Variants in AGBL1 observed in about 807,000 individuals in gnomAD.
The protein encoded by AGBL1 is cytosolic carboxypeptidase 4.
Under a neutral mutation model 118.9 loss-of-function variants are expected in AGBL1, and 130 were observed. The ratio of observed to expected loss-of-function variants is 1.09; its 90% CI spans 0.95 to 1.26. The LOEUF (loss-of-function observed/expected upper bound fraction) is 1.26, where lower values mean the gene tolerates loss of function less well. Among genes scored for constraint, AGBL1 ranks in the 50% most tolerant of loss-of-function variants. AGBL1 has a pLI of 0.00. For missense variants in AGBL1, 1,584 were observed against 1,298.1 expected (o/e 1.22, Z -3.38); for synonymous variants, 555 against 478.9 (o/e 1.16, Z -2.08).
intron 23 of AGBL1, among the ~76,000 whole-genome samples, chr15:86,966,311 C>A (rs2081052330): frequency 6.9e-6 from 1 of 144,282 alleles, no homozygotes; most frequent in Non-Finnish European, 1.5e-5. Flanking sequence ...AATCCTCATT[C>A]TTTGGCCCAT....
At chr15:86,449,936 G>A (rs1234832531) in intron 18 of AGBL1, among the ~76,000 whole-genome samples, 1 of 123,062 alleles carries the variant, frequency 8.1e-6, no homozygotes, top group East Asian at 3.2e-4. Context: ...TTTCTCTTTT[G>A]CTGGCGTATT....
At chr15:86,730,141 G>T (rs1300932826) in intron 22 of AGBL1, among the ~76,000 whole-genome samples, 2 of 152,144 alleles carry the variant, frequency 1.3e-5, no homozygotes, top group South Asian at 2.1e-4. Context: ...ATGAATTAAA[G>T]ATTTAAATGT....
intron 22 of AGBL1, among the ~76,000 whole-genome samples, chr15:86,704,204 A>C (rs1001820495): frequency 6.6e-6 from 1 of 152,230 alleles, no homozygotes; most frequent in Non-Finnish European, 1.5e-5. Flanking sequence ...AAACCTAGGC[A>C]ATACCATTCA....
At chr15:86,117,936 A>G (rs1374648095) in intron 1 of AGBL1, among the ~76,000 whole-genome samples, 2 of 152,224 alleles carry the variant, frequency 1.3e-5, no homozygotes, top group Admixed American at 6.5e-5. Flanking sequence ...TTCTGGCACA[A>G]GAAGAATAAC....
intron 18 of AGBL1, among the ~76,000 whole-genome samples, chr15:86,403,770 C>G (rs541081700): frequency 2.0e-5 from 3 of 152,166 alleles, no homozygotes; most frequent in Non-Finnish European, 4.4e-5. Context: ...GCCAGGAACT[C>G]AAGTCTATCC....
chr15:86,305,503 C>T (rs1217279301), intron 17 of AGBL1, among the ~76,000 whole-genome samples: 1 of 152,090 alleles, frequency 6.6e-6, no homozygotes, highest in Non-Finnish European at 1.5e-5. Flanking sequence ...TGATTTTAAA[C>T]ATGGGTGTCT....
intron 16 of AGBL1, among the ~76,000 whole-genome samples, chr15:86,290,841 TC>T (rs1162480430): frequency 1.3e-5 from 2 of 151,742 alleles, no homozygotes; most frequent in South Asian, 4.2e-4. Flanking sequence ...CCCTCCCCCT[TC>T]CCCCGACCCC....
chr15:86,580,802 A>G (rs1295315178), intron 21 of AGBL1, among the ~76,000 whole-genome samples: 1 of 152,204 alleles, frequency 6.6e-6, no homozygotes, highest in Non-Finnish European at 1.5e-5. Context: ...ACTAGAACTT[A>G]GTCCTCCTAT....
chr15:86,392,796 C>A lies in AGBL1; in HGVS notation c.2375-4570C>A, dbSNP rs943647176. 3.3e-5 allele frequency among the ~76,000 whole-genome samples: 5 copies of A among 152,114 alleles called. No homozygotes were observed. In the East Asian group the frequency reaches 9.6e-4, roughly 29 times the overall value. On this transcript the variant is annotated intron_variant, in intron 17 of 22. Transcript: ENST00000614907. Reference sequence around the variant, plus strand: ...AAAATCTGTCCAAACCATGACTCCCCCGTAGACTATGGTGGTCACTGAAAC... The same window carrying A: ...AAAATCTGTCCAAACCATGACTCCCACGTAGACTATGGTGGTCACTGAAAC...
At chr15:86,153,371 T>G (rs536391960) in intron 3 of AGBL1, among the ~76,000 whole-genome samples, 1 of 152,278 alleles carries the variant, frequency 6.6e-6, no homozygotes, top group East Asian at 1.9e-4. Context: ...GGGACATGGA[T>G]GAAGCTGGAA....
chr15:86,241,462 A>C (rs1390989490), intron 6 of AGBL1, among the ~76,000 whole-genome samples: 19 of 152,202 alleles, frequency 1.2e-4, no homozygotes, highest in Admixed American at 1.2e-3. Context: ...TGTCCTTCTT[A>C]GTCCATTTTG....
intron 19 of AGBL1, among the ~76,000 whole-genome samples, chr15:86,524,551 G>A (rs552580477): frequency 1.3e-5 from 2 of 152,192 alleles, no homozygotes; most frequent in Admixed American, 6.5e-5. Context: ...TTGTTGGGGG[G>A]TCAGTTATGT....
At chr15:86,209,165 A>C (rs1309022169) in intron 5 of AGBL1, among the ~76,000 whole-genome samples, 2 of 152,190 alleles carry the variant, frequency 1.3e-5, no homozygotes, top group Non-Finnish European at 2.9e-5. Flanking sequence ...ATATGATTGC[A>C]CTGTGGTCTG....
intron 1 of AGBL1, among the ~76,000 whole-genome samples, chr15:86,111,606 C>G (rs1897387572): frequency 6.6e-6 from 1 of 152,152 alleles, no homozygotes; most frequent in Non-Finnish European, 1.5e-5. Context: ...AAAGAAGTGA[C>G]AATTTGAATT....
chr15:86,781,328 C>T (rs540806738), intron 22 of AGBL1, among the ~76,000 whole-genome samples: 7 of 152,206 alleles, frequency 4.6e-5, no homozygotes, highest in Admixed American at 6.5e-5. Flanking sequence ...TTTATTCTCA[C>T]GTTCCTCTTT....
At chr15:86,251,213 G>A (rs544341468) in intron 7 of AGBL1, among the ~76,000 whole-genome samples, 22 of 152,108 alleles carry the variant, frequency 1.4e-4, no homozygotes, top group Middle Eastern at 3.2e-3. Flanking sequence ...TCCCAAGTTC[G>A]CAAAGCTCAT....
At chr15:86,089,780 C>T (rs912169290) in intron 1 of AGBL1, among the ~76,000 whole-genome samples, 1 of 152,156 alleles carries the variant, frequency 6.6e-6, no homozygotes, top group Non-Finnish European at 1.5e-5. Context: ...CCAACCAGTC[C>T]TGAGGATAAT....
At chr15:87,005,988 A>G (rs893202111) in intron 24 of AGBL1, among the ~76,000 whole-genome samples, 14 of 152,240 alleles carry the variant, frequency 9.2e-5, no homozygotes, top group Non-Finnish European at 1.5e-4. Flanking sequence ...GGATATTAGC[A>G]GCAGAGGCTG....
chr15:86,363,262 G>A (rs1485385786), intron 17 of AGBL1, among the ~76,000 whole-genome samples: 1 of 151,992 alleles, frequency 6.6e-6, no homozygotes, highest in Non-Finnish European at 1.5e-5. Flanking sequence ...ATGCAAACTG[G>A]GCACCTCCTG....
Sources: gnomAD v4.1 joint callset for allele counts (sites outside exome capture counted in the v4.1 genomes callset) on GRCh38, gnomAD v4.1.1 for gene constraint, MANE v1.5 for transcripts, NCBI Gene and HGNC (gene_info 2026-07-23, HGNC 2026-07-21) for gene names.